The following PTPRO variants were observed in gnomAD, a reference collection of about 807,000 sequenced individuals.
PTPRO encodes the protein protein tyrosine phosphatase receptor type O, also known as receptor-type tyrosine-protein phosphatase O.
A neutral mutation model predicts 145.2 loss-of-function variants in PTPRO; 62 were observed. The ratio of observed to expected loss-of-function variants is 0.43; its 90% CI spans 0.35 to 0.53. The LOEUF (loss-of-function observed/expected upper bound fraction) is 0.53, where lower values mean the gene tolerates loss of function less well. Among genes scored for constraint, PTPRO ranks in the 20% least tolerant of loss-of-function variants. The probability of loss-of-function intolerance (pLI) is 0.01; values close to 1 mark genes in which losing one functional copy is unlikely to be tolerated. For synonymous variants in PTPRO, 565 were observed against 514.7 expected (o/e 1.10, Z -1.32); for missense variants, 1,345 against 1,482.7 (o/e 0.91, Z 1.53).
At chr12:15,438,068 A>T (rs1369080129) in intron 1 of PTPRO, among the ~76,000 whole-genome samples, 1 of 152,124 alleles carries the variant, frequency 6.6e-6, no homozygotes, top group African/African-American at 2.4e-5. Context: ...CCAATATAAA[A>T]CCTGTTGAAA....
intron 10 of PTPRO, 94 bp from the exon 11 acceptor site, chr12:15,524,720 C>G: frequency 2.2e-6 from 3 of 1,367,686 alleles, no homozygotes; most frequent in Non-Finnish European, 3.1e-6. Context: ...TTCTAATTCG[C>G]TAAGTTGACT....
At chr12:15,423,261 G>A (rs994083965) in intron 1 of PTPRO, among the ~76,000 whole-genome samples, 6 of 152,048 alleles carry the variant, frequency 3.9e-5, no homozygotes, top group African/African-American at 1.4e-4. Flanking sequence ...CAAGATGGCT[G>A]GGGAAAGACT....
At position 15,580,827 on chromosome 12, in the gene PTPRO, G is replaced by A. The variant is rs749489011; in HGVS notation, c.3128G>A (p.Arg1043Lys). The change falls in exon 22 of 27, where the codon AGG (arginine) becomes AAG (lysine). Residue 1043 changes from arginine to lysine, a missense_variant. Transcript: ENST00000281171. ...IVMLTQCNEK[R>K]RVKCDHYWPF... is the part of the protein sequence containing the mutation. ...ATGCTCACTCAGTGTAATGAGAAAAGGAGGGTACGTACTTACTGAAACTGC... is the reference window on the plus strand; with the variant it reads ...ATGCTCACTCAGTGTAATGAGAAAAAGAGGGTACGTACTTACTGAAACTGC... The A allele has an allele frequency of 1.9e-6, 3 of 1,613,878 alleles. No homozygotes were observed. The Admixed American group carries it at 5.0e-5, about 27-fold the overall frequency.
intron 1 of PTPRO, chr12:15,410,200 C>T (rs960628136): frequency 2.0e-5 from 3 of 152,112 alleles, no homozygotes; most frequent in Non-Finnish European, 2.9e-5. Flanking sequence ...ATTTATGAAA[C>T]GTGCATGTCA....
In PTPRO at chr12:15,595,027, G is replaced by A. The variant is rs1397225820; in HGVS notation, c.3637G>A (p.Val1213Ile). 6.2e-7 allele frequency: 1 copy of A among 1,613,550 alleles called. No homozygotes were observed. The change falls in exon 26 of 27, where the codon GTT becomes ATT. Residue 1213 changes from valine to isoleucine, a missense_variant. Physicochemically the swap from Val to Ile is conservative, Grantham distance 29. Coordinates refer to ENST00000281171, the MANE Select transcript of PTPRO (RefSeq NM_030667.3). ...CATCAGTGATGTCATATACGAGAAT[G>A]TTAGCAAGTCCTAGTTCAGAATCCG... The part of the protein sequence containing the change: ...FCISDVIYEN[V>I]SKS
rs183015305 is a variant in PTPRO, at chr12:15,597,516, T to A, written c.*1443T>A. 2 of 152,366 alleles carry A rather than the reference T, an allele frequency of 1.3e-5. No homozygotes were observed. The highest frequency in any genetic ancestry group is 4.8e-5 in the African/African-American group (2 of 41,584). The allele number at this position is 152,366 out of a possible 1,614,324, so 9.4% of individuals were successfully genotyped here. On this transcript the variant is annotated 3_prime_UTR_variant, in exon 27 of 27. Coordinates refer to ENST00000281171, the MANE Select transcript of PTPRO (RefSeq NM_030667.3). ...GATCATCTTCATGAAGCCACAGATA[T>A]AAGATCAGCTTAATATTTTATCAGT...
chr12:15,503,563 C>T lies in PTPRO; in HGVS notation c.1106-345C>T, dbSNP rs534428372. ...CCTGGTTATTTTTTAGCCCTTACCTCGTGATGAGAAAGCCAACAATTGTTA... is the reference window on the plus strand; with the variant it reads ...CCTGGTTATTTTTTAGCCCTTACCTTGTGATGAGAAAGCCAACAATTGTTA... On this transcript the variant is annotated intron_variant, in intron 5 of 26. Transcript: ENST00000281171. Among the ~76,000 whole-genome samples the T allele has an allele frequency of 6.4e-4, 97 of 152,212 alleles. 1 individual carries two copies. Among genetic ancestry groups the T allele is most frequent in the Middle Eastern group, 3.4e-3 (1 of 294 alleles).
At chr12:15,523,773 T>A (rs1263995916) in intron 10 of PTPRO, among the ~76,000 whole-genome samples, 1 of 151,598 alleles carries the variant, frequency 6.6e-6, no homozygotes, top group Non-Finnish European at 1.5e-5. Flanking sequence ...AGATCCTGCC[T>A]CAAAAGTAAA....
At chr12:15,564,576 C>A (rs185071769) in intron 17 of PTPRO, among the ~76,000 whole-genome samples, 2 of 152,300 alleles carry the variant, frequency 1.3e-5, no homozygotes, top group Admixed American at 1.3e-4. Context: ...GCACAAAGTA[C>A]TGCTTCGTCC....
At chr12:15,327,515 CA>C (rs1866481234) in intron 1 of PTPRO, among the ~76,000 whole-genome samples, 1 of 152,156 alleles carries the variant, frequency 6.6e-6, no homozygotes, top group Non-Finnish European at 1.5e-5. Flanking sequence ...TGTCAGACAT[CA>C]CCCTTAAGAG....
At chr12:15,583,507 T>A (rs1197995681) in intron 23 of PTPRO, among the ~76,000 whole-genome samples, 1 of 150,336 alleles carries the variant, frequency 6.7e-6, no homozygotes, top group Admixed American at 6.6e-5. Context: ...ACAAAAAAAA[T>A]CAACAAGAAA....
chr12:15,536,112 A>C (rs1378800016), intron 12 of PTPRO, among the ~76,000 whole-genome samples: 2 of 152,196 alleles, frequency 1.3e-5, no homozygotes, highest in East Asian at 3.8e-4. Context: ...TATATGCCAC[A>C]CACTATTCTT....
chr12:15,573,356 G>A (rs558184830), intron 19 of PTPRO, among the ~76,000 whole-genome samples: 3 of 152,122 alleles, frequency 2.0e-5, no homozygotes, highest in East Asian at 1.9e-4. Flanking sequence ...CTCTACTTAC[G>A]TAAATGTTAA....
At chr12:15,353,902 A>G (rs769386986) in intron 1 of PTPRO, among the ~76,000 whole-genome samples, 2 of 152,196 alleles carry the variant, frequency 1.3e-5, no homozygotes, top group Non-Finnish European at 2.9e-5. Flanking sequence ...CTTCAAAGGA[A>G]TGCTTCAGGG....
chr12:15,459,024 A>G (rs1941243276), intron 1 of PTPRO, among the ~76,000 whole-genome samples: 1 of 152,118 alleles, frequency 6.6e-6, no homozygotes, highest in South Asian at 2.1e-4. Flanking sequence ...GGGCTTCTCA[A>G]ATCTGTATGC....
chr12:15,506,649 C>A (rs770689688), intron 6 of PTPRO, among the ~76,000 whole-genome samples: 10 of 152,226 alleles, frequency 6.6e-5, no homozygotes, highest in Non-Finnish European at 1.2e-4. Flanking sequence ...AGAACTCGCT[C>A]ATTGTCTTGA....
At chr12:15,401,150 T>A (rs146465003) in intron 1 of PTPRO, among the ~76,000 whole-genome samples, 1 of 152,148 alleles carries the variant, frequency 6.6e-6, no homozygotes, top group East Asian at 1.9e-4. Context: ...TTATCTCAAA[T>A]ATTGCCAGTC....
At chr12:15,363,441 A>T (rs1938269179) in intron 1 of PTPRO, among the ~76,000 whole-genome samples, 1 of 152,134 alleles carries the variant, frequency 6.6e-6, no homozygotes, top group Non-Finnish European at 1.5e-5. Context: ...ACAGAATCTG[A>T]ATTCAAAAAG....
intron 19 of PTPRO, among the ~76,000 whole-genome samples, chr12:15,572,303 A>G (rs1944071115): frequency 6.6e-6 from 1 of 152,202 alleles, no homozygotes; most frequent in Non-Finnish European, 1.5e-5. Context: ...TTTTGAGTAA[A>G]TTTCCCATAA....
Sources: allele counts gnomAD v4.1 joint callset (sites outside exome capture counted in the v4.1 genomes callset), GRCh38; gene constraint gnomAD v4.1.1; transcripts MANE v1.5; gene names NCBI Gene and HGNC (gene_info 2026-07-23, HGNC 2026-07-21).